The following MYO1G variants were observed in gnomAD, a reference collection of about 807,000 sequenced individuals.
MYO1G encodes the protein unconventional myosin-Ig.
In MYO1G, 65 loss-of-function variants were observed where a neutral mutation model predicts 115.3. The observed-to-expected ratio is 0.56, with a 90% CI of 0.46 to 0.69. The LOEUF (loss-of-function observed/expected upper bound fraction) is 0.69. MYO1G is among the 30% of genes least tolerant of loss of function. The pLI is 0.00. For missense variants in MYO1G, 1,204 were observed against 1,393.5 expected, an observed-to-expected ratio of 0.86 and a Z score of 2.16; for synonymous variants, 510 against 552.6, an observed-to-expected ratio of 0.92 and a Z score of 1.08.
At chr7:44,975,758 C>T in intron 3 of MYO1G, 109 bp from the exon 4 acceptor site, 1 of 1,274,080 alleles carries the variant, frequency 7.8e-7, no homozygotes, top group Non-Finnish European at 1.1e-6. Flanking sequence ...AGGATGAGTT[C>T]CTCTGAACTT....
rs755283649 is a variant in MYO1G at position 44,967,937 on chromosome 7, G to A, written c.1596C>T (p.Ile532=). ...GGAAGAGGAAATCTCTGTTCTTGTC[G>A]ATGAAGCCTTCCACGGAGTACCTAC... ...GDVTYSVEGF[I]DKNRDFLFQD... Residue 532 remains isoleucine, a synonymous_variant, in exon 13 of 22, where the codon ATC becomes ATT. Coordinates refer to ENST00000258787, the MANE Select transcript of MYO1G (RefSeq NM_033054.3). The A allele has an allele frequency of 1.2e-5, 19 of 1,613,872 alleles. No homozygotes were observed. Among genetic ancestry groups the A allele is most frequent in the Middle Eastern group, 1.6e-4 (1 of 6,084 alleles).
chr7:44,965,481 A>G (rs538975274), intron 17 of MYO1G, among the ~76,000 whole-genome samples, 156 bp downstream of exon 17: 1 of 152,348 alleles, frequency 6.6e-6, no homozygotes, highest in South Asian at 2.1e-4. Flanking sequence ...CAACTGTGGG[A>G]CATGAGCAGT....
rs2128700900 is a variant in MYO1G at position 44,964,224 on chromosome 7, T to C, written c.2632-62A>G. The C allele has an allele frequency of 6.9e-7, 1 of 1,457,450 alleles. No homozygotes were observed. The highest frequency in any genetic ancestry group is 9.4e-7 in the Non-Finnish European group (1 of 1,059,316). 90.3% of individuals were successfully genotyped at this position (1,457,450 alleles called of 1,614,324 possible). ...CCTGTCACCCACCAGGGCCCCAGGC[T>C]TCGGCAGTCCCTACTGCCTCCCCTC... On this transcript the variant is annotated intron_variant, in intron 19 of 21. Transcript: ENST00000258787. This position sits in a 1 kb window ranked among gnomAD's most constrained non-coding sequence, Gnocchi z 5.1.
At chr7:44,968,728 C>T (rs1401570070) in intron 12 of MYO1G, 1 of 152,484 alleles carries the variant, frequency 6.6e-6, no homozygotes, top group African/African-American at 2.4e-5. Context: ...TGGTCTCGAA[C>T]TCTTGGCCTC....
At chr7:44,970,362 G>C (rs367909753) in intron 9 of MYO1G, among the ~76,000 whole-genome samples, 1 of 152,190 alleles carries the variant, frequency 6.6e-6, no homozygotes, top group African/African-American at 2.4e-5. Context: ...GAGTGGACTT[G>C]GGAGTCACAA....
Position 44,966,653 on chromosome 7 carries a change from G to A in MYO1G, c.1949+19C>T, listed in dbSNP as rs745475908. The stretch of plus-strand genomic sequence containing the variant: ...CAGGGACTATGGCCCATGGAGTGAT[G>A]GGTGTCAGGTGCCAGTACCTGAGCA... On this transcript the variant is annotated intron_variant, in intron 15 of 21. Coordinates refer to ENST00000258787, the MANE Select transcript of MYO1G (RefSeq NM_033054.3). This position sits in a 1 kb window ranked among gnomAD's most constrained non-coding sequence, Gnocchi z 5.0. 1 of 1,612,798 alleles carries A rather than the reference G, an allele frequency of 6.2e-7. No individual in the cohort carries two copies. The highest frequency in any genetic ancestry group is 8.5e-7 in the Non-Finnish European group (1 of 1,179,894).
Position 44,964,107 on chromosome 7 carries a change from A to G in MYO1G, c.2687T>C (p.Leu896Pro). ...CTGCCGGTCAGGGTCCAGCTTGTAG[A>G]GGTGCTGGTCTGTGAGCAGGAGGGC... ...NRALLLTDQH[L>P]YKLDPDRQYR... The change falls in exon 20 of 22, where the codon CTC (leucine) becomes CCC (proline). Residue 896 changes from leucine to proline, a missense_variant. Coordinates refer to ENST00000258787, the MANE Select transcript of MYO1G (RefSeq NM_033054.3). This position sits in a 1 kb window ranked among gnomAD's most constrained non-coding sequence, Gnocchi z 5.1. The G allele has an allele frequency of 1.9e-6, 3 of 1,607,466 alleles. No individual in the cohort carries two copies. In the African/African-American group the frequency reaches 4.0e-5, roughly 21 times the overall value.
intron 5 of MYO1G, 44 bp from the exon 6 acceptor site, chr7:44,972,269 G>A (rs931635906): frequency 7.1e-7 from 1 of 1,403,274 alleles, no homozygotes; most frequent in Admixed American, 1.7e-5. Flanking sequence ...CTCCCAGGAT[G>A]TCCCCCTGTA....
rs763849651 is a variant in MYO1G at position 44,965,832 on chromosome 7, C to T, written c.2186G>A (p.Arg729His). The T allele has an allele frequency of 1.2e-5, 19 of 1,599,138 alleles. No individual in the cohort carries two copies. In the East Asian group the frequency reaches 2.0e-4, roughly 17 times the overall value. The change falls in exon 17 of 22, where the codon CGC becomes CAC. Residue 729 changes from arginine to histidine, a missense_variant. Arg to His is a conservative substitution (Grantham distance 29). Coordinates refer to ENST00000258787, the MANE Select transcript of MYO1G (RefSeq NM_033054.3). ...KAWRGTLARW[R>H]CRRLRAIYTI... ...GTAGATAGCCCTCAGCCTCCGGCAG[C>T]GCCACCTCGCCAAGGTGCCCCGCCA...
chr7:44,962,881 A>G lies in MYO1G; in HGVS notation c.2915T>C (p.Leu972Pro). 1 of 1,491,670 alleles carries G rather than the reference A, an allele frequency of 6.7e-7. No individual in the cohort carries two copies. Among genetic ancestry groups the G allele is most frequent in the East Asian group, 2.7e-5 (1 of 37,426 alleles). The allele number at this position is 1,491,670 out of a possible 1,614,324, so 92.4% of individuals were successfully genotyped here. A position where few individuals can be genotyped will look rare whatever the true frequency, so the allele number is the denominator to read the frequency against. ...GATGCAGTCGGAGACGCGAACCTCCAGGGTGCGGCCCTCCCTGCGGCAGGA... is the reference window on the plus strand; with the variant it reads ...GATGCAGTCGGAGACGCGAACCTCCGGGGTGCGGCCCTCCCTGCGGCAGGA... ...AAHCQGEGRT[L>P]EVRVSDCIPL... The change falls in exon 22 of 22, where the codon CTG becomes CCG. Residue 972 changes from leucine (L) to proline (P), a missense_variant. Leu to Pro is a moderately conservative substitution (Grantham distance 98). Transcript: ENST00000258787. This position sits in a 1 kb window ranked among gnomAD's most constrained non-coding sequence, Gnocchi z 5.3.
At position 44,965,631 on chromosome 7, in the gene MYO1G, T is replaced by G; in HGVS notation, c.2381+6A>C. 6.2e-7 allele frequency: 1 copy of G among 1,610,714 alleles called. No homozygotes were observed. Among genetic ancestry groups the G allele is most frequent in the East Asian group, 2.2e-5 (1 of 44,760 alleles). On this transcript the variant is annotated splice_donor_region_variant and intron_variant, in intron 17 of 21. Coordinates refer to ENST00000258787, the MANE Select transcript of MYO1G (RefSeq NM_033054.3). ...AATGGAATGTGTGGTGGGCTGAGAG[T>G]AGTACCTGCAGAAGAGTGCGTGGCA...
rs1331079679 is a variant in MYO1G at position 44,971,784 on chromosome 7, C to A, written c.735G>T (p.Leu245Phe). 1.3e-6 allele frequency: 2 copies of A among 1,555,286 alleles called. No individual in the cohort carries two copies. The highest frequency in any genetic ancestry group is 2.7e-5 in the African/African-American group (2 of 73,286). Reference sequence around the variant, plus strand: ...CCTGGTGGCTCTGCTCATCACTGTCCAAGGCCTAGGGTAGAAGGGATTCAT... The same window carrying A: ...CCTGGTGGCTCTGCTCATCACTGTCAAAGGCCTAGGGTAGAAGGGATTCAT... ...AGLNMTVHSA[L>F]DSDEQSHQAV... Residue 245 changes from leucine (L) to phenylalanine (F), a missense_variant, in exon 7 of 22, where the codon TTG (leucine) becomes TTT (phenylalanine). Physicochemically the swap from Leu to Phe is conservative, Grantham distance 22 (BLOSUM62 0). Transcript: ENST00000258787.
intron 5 of MYO1G, chr7:44,974,431 G>A (rs1459958847): frequency 1.3e-5 from 2 of 152,422 alleles, no homozygotes; most frequent in Admixed American, 6.5e-5. Flanking sequence ...TGTGTTCCAG[G>A]GAGCTCCCAC....
chr7:44,970,103 G>A lies in MYO1G; in HGVS notation c.1269C>T (p.Phe423=). 2 of 1,614,082 alleles carry A rather than the reference G, an allele frequency of 1.2e-6. No individual in the cohort carries two copies. Among genetic ancestry groups the A allele is most frequent in the Non-Finnish European group, 8.5e-7 (1 of 1,180,012 alleles). ...GTTCCTGCTTCAGGATGAGCTGGAT[G>A]AATAGCTGCTGCAGCTTCTCGTTGC... The part of the protein sequence containing the change: ...NYCNEKLQQL[F]IQLILKQEQE... The change falls in exon 10 of 22, where the codon TTC becomes TTT. Residue 423 remains phenylalanine (F), a synonymous_variant. Transcript: ENST00000258787.
chr7:44,969,156 C>G lies in MYO1G; in HGVS notation c.1574+257G>C. The G allele has an allele frequency of 2.2e-6, 1 of 446,168 alleles. No individual in the cohort carries two copies. Among genetic ancestry groups the G allele is most frequent in the Non-Finnish European group, 4.2e-6 (1 of 239,538 alleles). The allele number at this position is 446,168 out of a possible 1,614,324, so 27.6% of individuals were successfully genotyped here. ...ACAGATGCTGGTATAGGGTTGGGCC[C>G]AGACATGAGACGTGGGTATTTTTTA... On this transcript the variant is annotated intron_variant, in intron 12 of 21. Transcript: ENST00000258787. This position sits in a 1 kb window ranked among gnomAD's most constrained non-coding sequence, Gnocchi z 5.0.
Position 44,969,275 on chromosome 7 carries a change from G to C in MYO1G, c.1574+138C>G, listed in dbSNP as rs1417790465. 2 of 761,804 alleles carry C rather than the reference G, an allele frequency of 2.6e-6. No homozygotes were observed. The highest frequency in any genetic ancestry group is 3.4e-5 in the African/African-American group (2 of 58,760). 47.2% of individuals were successfully genotyped at this position (761,804 alleles called of 1,614,324 possible). Reference sequence around the variant, plus strand: ...TGAATCTGCTGTCCGGCATGTTTCAGTGTCTTAAAGGGGTGGGGGTGGCAG... The same window carrying C: ...TGAATCTGCTGTCCGGCATGTTTCACTGTCTTAAAGGGGTGGGGGTGGCAG... On this transcript the variant is annotated intron_variant, in intron 12 of 21. Coordinates refer to ENST00000258787, the MANE Select transcript of MYO1G (RefSeq NM_033054.3). This position sits in a 1 kb window ranked among gnomAD's most constrained non-coding sequence, Gnocchi z 5.0.
chr7:44,969,595 T>C lies in MYO1G; in HGVS notation c.1503+110A>G. ...GAGAAGGTTGCCACAGTGACGACAA[T>C]GGCACCAAAGCTGGGTCCCCAACCA... is the stretch of plus-strand genomic sequence containing the variant. On this transcript the variant is annotated intron_variant, in intron 11 of 21. Coordinates refer to ENST00000258787, the MANE Select transcript of MYO1G (RefSeq NM_033054.3). The surrounding 1 kb of genome is among the most constrained non-coding windows in gnomAD (Gnocchi z 5.0). 2.5e-6 allele frequency: 4 copies of C among 1,576,778 alleles called. No homozygotes were observed. Among genetic ancestry groups the C allele is most frequent in the East Asian group, 2.2e-5 (1 of 44,602 alleles).
In MYO1G at chr7:44,966,108, G is replaced by A. The variant is rs768331568; in HGVS notation, c.2122C>T (p.Arg708Cys). Residue 708 changes from arginine to cysteine, a missense_variant, in exon 16 of 22, where the codon CGC (arginine) becomes TGC (cysteine). Arg to Cys is a radical substitution (Grantham distance 180). Coordinates refer to ENST00000258787, the MANE Select transcript of MYO1G (RefSeq NM_033054.3). This position sits in a 1 kb window ranked among gnomAD's most constrained non-coding sequence, Gnocchi z 5.0. ...TLVTLEQSRA[R>C]LIPIIVLLLQ... Reference sequence around the variant, plus strand: ...AGCAGCACAATGATGGGGATGAGGCGGGCTCGGCTCTGCTCCAGTGTGACC... The same window carrying A: ...AGCAGCACAATGATGGGGATGAGGCAGGCTCGGCTCTGCTCCAGTGTGACC... The A allele has an allele frequency of 4.3e-5, 69 of 1,612,786 alleles. No homozygotes were observed. The highest frequency in any genetic ancestry group is 5.3e-5 in the Non-Finnish European group (63 of 1,179,968).
chr7:44,965,992 C>A, intron 16 of MYO1G, 81 bp downstream of exon 16: 1 of 1,569,820 alleles, frequency 6.4e-7, no homozygotes. Flanking sequence ...TCCTGTGAAA[C>A]TTACAAGTGT....
Sources: allele counts gnomAD v4.1 joint callset (sites outside exome capture counted in the v4.1 genomes callset), GRCh38; gene constraint gnomAD v4.1.1; non-coding constraint Gnocchi (gnomAD v3.1); transcripts MANE v1.5; gene names NCBI Gene and HGNC (gene_info 2026-07-23, HGNC 2026-07-21).